The following ATXN10 variants were observed in gnomAD, a reference collection of about 807,000 sequenced individuals.
The protein encoded by ATXN10 is ataxin 10, also known as ataxin-10.
Under a neutral mutation model 52.9 loss-of-function variants are expected in ATXN10, and 28 were observed. The ratio of observed to expected loss-of-function variants is 0.53; its 90% CI spans 0.39 to 0.73. The LOEUF is 0.73. Ranked by LOEUF, ATXN10 falls within the 30% of genes least tolerant of loss-of-function variation. The pLI, the probability that ATXN10 is intolerant of heterozygous loss-of-function variation, is 0.00. For missense variants in ATXN10, 565 were observed against 577.0 expected, an observed-to-expected ratio of 0.98 and a Z score of 0.21; for synonymous variants, 226 against 221.5, an observed-to-expected ratio of 1.02 and a Z score of -0.18.
At position 45,766,669 on chromosome 22, in the gene ATXN10, T is replaced by C. The variant is rs1926592885; in HGVS notation, c.1173+26131T>C. Among the ~76,000 whole-genome samples, 1 of 151,646 alleles carries C rather than the reference T, an allele frequency of 6.6e-6. No homozygotes were observed. The highest frequency in any genetic ancestry group is 1.5e-5 in the Non-Finnish European group (1 of 68,024). On this transcript the variant is annotated intron_variant, in intron 9 of 11. Transcript: ENST00000252934. The surrounding 1 kb of genome is among the most constrained non-coding windows in gnomAD (Gnocchi z 4.6). ...TGGAAGCAATAAGAGAAAAGGTTGA[T>C]AAATTTAAGTACATTTTTAAAAAGT... is the stretch of plus-strand genomic sequence containing the variant.
chr22:45,674,047 A>G (rs986942468), intron 1 of ATXN10: 1 of 152,154 alleles, frequency 6.6e-6, no homozygotes, highest in Admixed American at 6.5e-5. Context: ...GTGGCGCGAT[A>G]AGATCTGCCT....
rs549378905 is a variant in ATXN10, at chr22:45,763,768, G to T, written c.1173+23230G>T. On this transcript the variant is annotated intron_variant, in intron 9 of 11. Coordinates refer to ENST00000252934, the MANE Select transcript of ATXN10 (RefSeq NM_013236.4). This position sits in a 1 kb window ranked among gnomAD's most constrained non-coding sequence, Gnocchi z 6.9. ...AACCCTAGAATGTAAGTACAAGGAG[G>T]ATAGGCAGGGACCATTTGTCTCTTC... Among the ~76,000 whole-genome samples, 7 of 152,354 alleles carry T rather than the reference G, an allele frequency of 4.6e-5. No homozygotes were observed. Among genetic ancestry groups the T allele is most frequent in the Non-Finnish European group, 8.8e-5 (6 of 68,034 alleles).
intron 9 of ATXN10, chr22:45,793,745 C>G (rs1199327085): frequency 7.0e-7 from 1 of 1,432,290 alleles, no homozygotes; most frequent in South Asian, 1.7e-5. Flanking sequence ...CTTGCCACCC[C>G]CGATTCCTGC....
rs955993255 is a variant in ATXN10 at position 45,727,515 on chromosome 22, G to A, written c.729-1910G>A. Reference sequence around the variant, plus strand: ...CTGGATTACAGGCCCCTGCCACCACGGCTGGCTAGTTGTTTTTGTATTTTT... The same window carrying A: ...CTGGATTACAGGCCCCTGCCACCACAGCTGGCTAGTTGTTTTTGTATTTTT... On this transcript the variant is annotated intron_variant, in intron 6 of 11. Transcript: ENST00000252934. The surrounding 1 kb of genome is among the most constrained non-coding windows in gnomAD (Gnocchi z 4.6). Among the ~76,000 whole-genome samples the A allele has an allele frequency of 2.0e-5, 3 of 151,924 alleles. No homozygotes were observed. The highest frequency in any genetic ancestry group is 4.8e-5 in the African/African-American group (2 of 41,350).
In ATXN10 at chr22:45,681,191, C is replaced by T. The variant is rs543840263; in HGVS notation, c.117-8521C>T. ...TATTTCTTCTCCTGTCTTAAATCTTCGTTATTTCATTGTTTATATAGATTT... is the reference window on the plus strand; with the variant it reads ...TATTTCTTCTCCTGTCTTAAATCTTTGTTATTTCATTGTTTATATAGATTT... On this transcript the variant is annotated intron_variant, in intron 1 of 11. Coordinates refer to ENST00000252934, the MANE Select transcript of ATXN10 (RefSeq NM_013236.4). This position sits in a 1 kb window ranked among gnomAD's most constrained non-coding sequence, Gnocchi z 4.2. Among the ~76,000 whole-genome samples, 7 of 152,266 alleles carry T rather than the reference C, an allele frequency of 4.6e-5. No individual in the cohort carries two copies. Among genetic ancestry groups the T allele is most frequent in the South Asian group, 2.1e-4 (1 of 4,822 alleles).
In ATXN10 at chr22:45,772,521, T is replaced by A. The variant is rs556530512; in HGVS notation, c.1173+31983T>A. Among the ~76,000 whole-genome samples, 61 of 152,374 alleles carry A rather than the reference T, an allele frequency of 4.0e-4. No homozygotes were observed. The highest frequency in any genetic ancestry group is 6.8e-4 in the Non-Finnish European group (46 of 68,038). On this transcript the variant is annotated intron_variant, in intron 9 of 11. Transcript: ENST00000252934. The surrounding 1 kb of genome is among the most constrained non-coding windows in gnomAD (Gnocchi z 4.1). ...AATTGGGTAGTGTGATTCATCCAAC[T>A]TTATTTTAGTGATTTAATCTTCTTT... is the stretch of plus-strand genomic sequence containing the variant.
In ATXN10 at chr22:45,843,580, C is replaced by A; in HGVS notation, c.1426-89C>A. The A allele has an allele frequency of 1.6e-6, 2 of 1,282,896 alleles. No homozygotes were observed. The highest frequency in any genetic ancestry group is 2.3e-6 in the Non-Finnish European group (2 of 887,792). The allele number at this position is 1,282,896 out of a possible 1,614,324, so 79.5% of individuals were successfully genotyped here. ...CTCTAAGTTATTTGTCACCACTGACCAAAGTTCTGGGTTTTTTCCCCTTTT... is the reference window on the plus strand; with the variant it reads ...CTCTAAGTTATTTGTCACCACTGACAAAAGTTCTGGGTTTTTTCCCCTTTT... On this transcript the variant is annotated intron_variant, in intron 11 of 11. Transcript: ENST00000252934. The surrounding 1 kb of genome is among the most constrained non-coding windows in gnomAD (Gnocchi z 4.5).
rs1307156479 is a variant in ATXN10, at chr22:45,750,667, C to G, written c.1173+10129C>G. ...GAAAATAATTGAGGAATTGTCATAT[C>G]AATATTAAAATATACTTTAAGGCTA... On this transcript the variant is annotated intron_variant, in intron 9 of 11. Coordinates refer to ENST00000252934, the MANE Select transcript of ATXN10 (RefSeq NM_013236.4). The surrounding 1 kb of genome is among the most constrained non-coding windows in gnomAD (Gnocchi z 4.2). Among the ~76,000 whole-genome samples, 1 of 152,054 alleles carries G rather than the reference C, an allele frequency of 6.6e-6. No individual in the cohort carries two copies. The highest frequency in any genetic ancestry group is 2.4e-5 in the African/African-American group (1 of 41,382).
In ATXN10 at chr22:45,789,298, G is replaced by A. The variant is rs1398483526; in HGVS notation, c.1174-17661G>A. Among the ~76,000 whole-genome samples the A allele has an allele frequency of 6.6e-6, 1 of 152,176 alleles. No homozygotes were observed. Among genetic ancestry groups the A allele is most frequent in the Non-Finnish European group, 1.5e-5 (1 of 68,032 alleles). The stretch of plus-strand genomic sequence containing the variant: ...CCTCCCCCTGGCTAAGTTTCATTCA[G>A]TACGTATCTGTTGGTTATATTTGGA... On this transcript the variant is annotated intron_variant, in intron 9 of 11. Transcript: ENST00000252934. The surrounding 1 kb of genome is among the most constrained non-coding windows in gnomAD (Gnocchi z 4.0).
At chr22:45,747,223 C>T (rs2283667) in intron 9 of ATXN10, among the ~76,000 whole-genome samples, 74,133 of 151,976 alleles carry the variant, frequency 0.49, 19,527 homozygotes, top group East Asian at 0.63. Context: ...TCTGGGGGGC[C>T]GGGTGCAGTG....
chr22:45,713,227 T>A (rs550127257), intron 5 of ATXN10, among the ~76,000 whole-genome samples: 5 of 152,200 alleles, frequency 3.3e-5, no homozygotes, highest in African/African-American at 1.2e-4. Context: ...TATATCAGTA[T>A]TGTAATGCAG....
chr22:45,756,722 A>C (rs2146824002), intron 9 of ATXN10, among the ~76,000 whole-genome samples: 1 of 152,286 alleles, frequency 6.6e-6, no homozygotes, highest in South Asian at 2.1e-4. Context: ...ATTATTGTAC[A>C]TCTTATGTTA....
chr22:45,683,664 C>T lies in ATXN10; in HGVS notation c.117-6048C>T, dbSNP rs1923019153. 6.6e-6 allele frequency among the ~76,000 whole-genome samples: 1 copy of T among 152,184 alleles called. No homozygotes were observed. The highest frequency in any genetic ancestry group is 6.5e-5 in the Admixed American group (1 of 15,276). ...AAGACATTCTCCTTATATTTTCTTC[C>T]AAAGCCTTGCAATTTTGTCTTCCAT... On this transcript the variant is annotated intron_variant, in intron 1 of 11. Coordinates refer to ENST00000252934, the MANE Select transcript of ATXN10 (RefSeq NM_013236.4). This position sits in a 1 kb window ranked among gnomAD's most constrained non-coding sequence, Gnocchi z 4.8.
intron 7 of ATXN10, among the ~76,000 whole-genome samples, chr22:45,736,753 T>A (rs1925313213): frequency 6.6e-6 from 1 of 152,192 alleles, no homozygotes; most frequent in Admixed American, 6.5e-5. Flanking sequence ...TTTTTGTTTA[T>A]TTTTTGCAGT....
At position 45,790,745 on chromosome 22, in the gene ATXN10, T is replaced by C. The variant is rs1444243399; in HGVS notation, c.1174-16214T>C. Among the ~76,000 whole-genome samples the C allele has an allele frequency of 6.6e-6, 1 of 152,246 alleles. No individual in the cohort carries two copies. The highest frequency in any genetic ancestry group is 6.5e-5 in the Admixed American group (1 of 15,288). On this transcript the variant is annotated intron_variant, in intron 9 of 11. Transcript: ENST00000252934. The surrounding 1 kb of genome is among the most constrained non-coding windows in gnomAD (Gnocchi z 4.7). ...ATAGCCACTGAAACATCTACTCTTTTCTACACTTCACTGTAAGTGTGTTAG... is the reference window on the plus strand; with the variant it reads ...ATAGCCACTGAAACATCTACTCTTTCCTACACTTCACTGTAAGTGTGTTAG...
intron 8 of ATXN10, 30 bp downstream of exon 8, chr22:45,738,869 A>C: frequency 6.4e-7 from 1 of 1,561,708 alleles, no homozygotes; most frequent in Non-Finnish European, 8.8e-7. Flanking sequence ...TTGTATTTTT[A>C]GCTAAGAAAT....
rs950473940 is a variant in ATXN10, at chr22:45,805,189, A to G, written c.1174-1770A>G. ...CTTCACTTACACTAGAATGCCTACT[A>G]CAAAAGACAGACAATAGCAAGTGTT... On this transcript the variant is annotated intron_variant, in intron 9 of 11. Transcript: ENST00000252934. This position sits in a 1 kb window ranked among gnomAD's most constrained non-coding sequence, Gnocchi z 4.4. 2.0e-5 allele frequency among the ~76,000 whole-genome samples: 3 copies of G among 152,202 alleles called. No homozygotes were observed. The highest frequency in any genetic ancestry group is 4.4e-5 in the Non-Finnish European group (3 of 68,032).
chr22:45,715,704 A>C lies in ATXN10; in HGVS notation c.648-2709A>C, dbSNP rs1924419788. On this transcript the variant is annotated intron_variant, in intron 5 of 11. Coordinates refer to ENST00000252934, the MANE Select transcript of ATXN10 (RefSeq NM_013236.4). This position sits in a 1 kb window ranked among gnomAD's most constrained non-coding sequence, Gnocchi z 4.4. ...ACCTTCACCTGAGTGATATTTATAG[A>C]CCTTCCCTTAGTACTTCCAAACTCC... Among the ~76,000 whole-genome samples the C allele has an allele frequency of 6.6e-6, 1 of 152,130 alleles. No homozygotes were observed. Among genetic ancestry groups the C allele is most frequent in the Non-Finnish European group, 1.5e-5 (1 of 68,028 alleles).
At position 45,705,191 on chromosome 22, in the gene ATXN10, T is replaced by G. The variant is rs1330088007; in HGVS notation, c.647+2344T>G. The stretch of plus-strand genomic sequence containing the variant: ...TTTGTTGGGGATTTTTGAATCTATA[T>G]TCATAAGGCATATTGGTTTGTAGCT... On this transcript the variant is annotated intron_variant, in intron 5 of 11. Coordinates refer to ENST00000252934, the MANE Select transcript of ATXN10 (RefSeq NM_013236.4). The surrounding 1 kb of genome is among the most constrained non-coding windows in gnomAD (Gnocchi z 5.2). 6.6e-6 allele frequency among the ~76,000 whole-genome samples: 1 copy of G among 152,216 alleles called. No homozygotes were observed. The highest frequency in any genetic ancestry group is 1.5e-5 in the Non-Finnish European group (1 of 68,032).
Sources: gnomAD v4.1 joint callset for allele counts (sites outside exome capture counted in the v4.1 genomes callset) on GRCh38, gnomAD v4.1.1 for gene constraint, Gnocchi (gnomAD v3.1) non-coding constraint, MANE v1.5 for transcripts, NCBI Gene and HGNC (gene_info 2026-07-23, HGNC 2026-07-21) for gene names.